RBL1: variants seen among roughly 807,000 people sequenced by gnomAD.
RBL1 encodes retinoblastoma-like protein 1.
RBL1 carries 82 observed loss-of-function variants against 123.0 expected under a neutral mutation model. The ratio of observed to expected loss-of-function variants is 0.67; its 90% CI spans 0.56 to 0.80. The LOEUF is 0.80. Among genes scored for constraint, RBL1 ranks in the 30% least tolerant of loss-of-function variants. The pLI is 0.00. For synonymous variants in RBL1, 405 were observed against 441.3 expected (o/e 0.92, Z 1.03); for missense variants, 1,171 against 1,299.6 (o/e 0.90, Z 1.52).
At chr20:37,041,727 T>C (rs2064731523) in intron 13 of RBL1, among the ~76,000 whole-genome samples, 1 of 152,078 alleles carries the variant, frequency 6.6e-6, no homozygotes, top group South Asian at 2.1e-4. Flanking sequence ...CTAGACATGA[T>C]ATCAAAAAGC....
intron 9 of RBL1, among the ~76,000 whole-genome samples, chr20:37,058,411 A>C (rs2146290012): frequency 6.6e-6 from 1 of 151,094 alleles, no homozygotes; most frequent in East Asian, 2.0e-4. Flanking sequence ...AGCTACTTGG[A>C]GGCTGAGGCA....
rs1273139829 is a variant in RBL1, at chr20:37,035,299, T to C, written c.2113A>G (p.Met705Val). The C allele has an allele frequency of 1.2e-6, 2 of 1,613,974 alleles. No individual in the cohort carries two copies. The highest frequency in any genetic ancestry group is 1.3e-5 in the African/African-American group (1 of 75,058). Residue 705 changes from methionine (M) to valine (V), a missense_variant, in exon 15 of 22, where the codon ATG becomes GTG. Physicochemically the swap from Met to Val is conservative, Grantham distance 21. Coordinates refer to ENST00000373664, the MANE Select transcript of RBL1 (RefSeq NM_002895.5). ...GTTCCTGTTACTGGGGCTGTGGCCA[T>C]TGTTAGAAGAGTTTGACCAGGTAAA... ...SILPGQTLLTMATAPVTGTTG... is the reference protein window; with the variant it reads ...SILPGQTLLTVATAPVTGTTG...
intron 21 of RBL1, among the ~76,000 whole-genome samples, chr20:37,000,322 G>A (rs957489348): frequency 6.6e-6 from 1 of 150,542 alleles, no homozygotes; most frequent in African/African-American, 2.5e-5. Context: ...GAGGGAGGTG[G>A]GGGTCAGCCC....
At chr20:37,034,988 G>A (rs2064581241) in intron 15 of RBL1, among the ~76,000 whole-genome samples, 1 of 152,126 alleles carries the variant, frequency 6.6e-6, no homozygotes, top group South Asian at 2.1e-4. Flanking sequence ...GCATTCTGGT[G>A]TGGAATACTG....
At chr20:36,999,718 T>C (rs569992702) in intron 21 of RBL1, among the ~76,000 whole-genome samples, 24 of 152,344 alleles carry the variant, frequency 1.6e-4, no homozygotes, top group Admixed American at 1.2e-3. Context: ...GGTCTCCAGC[T>C]CCTAACCGCG....
chr20:37,052,402 G>A (rs991133815), intron 11 of RBL1, among the ~76,000 whole-genome samples: 21 of 151,930 alleles, frequency 1.4e-4, no homozygotes, highest in African/African-American at 5.1e-4. Flanking sequence ...TGTGATCTCG[G>A]CTCACTGCAA....
In RBL1 at chr20:37,065,440, T is replaced by C. The variant is rs149886976; in HGVS notation, c.880A>G (p.Ser294Gly). 8.2e-6 allele frequency: 13 copies of C among 1,594,692 alleles called. No individual in the cohort carries two copies. Among genetic ancestry groups the C allele is most frequent in the Middle Eastern group, 1.7e-4 (1 of 5,996 alleles). Residue 294 changes from serine to glycine, a missense_variant, in exon 7 of 22, where the codon AGT becomes GGT. Transcript: ENST00000373664. ...LKGECLLDLS[S>G]FTDNSKAVNK... The stretch of plus-strand genomic sequence containing the variant: ...GATATTTACCTATTATCAGTAAAAC[T>C]TGAAAGGTCCAGGAGGCATTCTCCT...
intron 2 of RBL1, among the ~76,000 whole-genome samples, chr20:37,073,950 CA>C (rs1210350198): frequency 3.4e-4 from 49 of 143,920 alleles, no homozygotes; most frequent in Admixed American, 5.6e-4. Flanking sequence ...ACTAAAAATA[CA>C]AAAAAAAAAA....
chr20:37,041,189 G>A (rs2064718142), intron 13 of RBL1, among the ~76,000 whole-genome samples: 1 of 151,726 alleles, frequency 6.6e-6, no homozygotes, highest in African/African-American at 2.4e-5. Flanking sequence ...ACAAAACAAA[G>A]AATCAAAAGA....
chr20:37,070,668 A>G (rs1431982819), intron 2 of RBL1, among the ~76,000 whole-genome samples: 1 of 152,154 alleles, frequency 6.6e-6, no homozygotes, highest in Non-Finnish European at 1.5e-5. Context: ...TAAAGAAGGT[A>G]GCACATACTC....
chr20:37,080,609 C>T (rs990029212), intron 2 of RBL1, among the ~76,000 whole-genome samples: 1 of 151,796 alleles, frequency 6.6e-6, no homozygotes, highest in Non-Finnish European at 1.5e-5. Flanking sequence ...CAGACACCCA[C>T]CATTGCGCCC....
At chr20:37,078,342 T>A (rs1177698916) in intron 2 of RBL1, among the ~76,000 whole-genome samples, 1 of 152,234 alleles carries the variant, frequency 6.6e-6, no homozygotes, top group Non-Finnish European at 1.5e-5. Flanking sequence ...AGTTTTAATA[T>A]CCATTGATGA....
At chr20:37,072,329 G>T (rs2154193) in intron 2 of RBL1, among the ~76,000 whole-genome samples, 1 of 151,958 alleles carries the variant, frequency 6.6e-6, no homozygotes, top group East Asian at 1.9e-4. Context: ...TTAGCCGGGC[G>T]TGGTGGCACA....
At chr20:37,015,900 GT>G (rs1231426413) in intron 19 of RBL1, among the ~76,000 whole-genome samples, 1 of 143,142 alleles carries the variant, frequency 7.0e-6, no homozygotes, top group Non-Finnish European at 1.5e-5. Flanking sequence ...AATTTTTGTA[GT>G]TTTAGTAGAG....
intron 1 of RBL1, among the ~76,000 whole-genome samples, chr20:37,094,300 G>C (rs899565676): frequency 1.3e-5 from 2 of 152,180 alleles, no homozygotes; most frequent in African/African-American, 4.8e-5. Context: ...CAATTGAGAC[G>C]CCATTCATTC....
At chr20:37,079,373 A>C (rs1468598851) in intron 2 of RBL1, among the ~76,000 whole-genome samples, 3 of 151,510 alleles carry the variant, frequency 2.0e-5, no homozygotes, top group African/African-American at 7.3e-5. Flanking sequence ...CCATTAACTT[A>C]GTGATGTTAT....
chr20:37,058,160 C>T (rs1242805703), intron 9 of RBL1, among the ~76,000 whole-genome samples: 1 of 145,524 alleles, frequency 6.9e-6, no homozygotes, highest in Non-Finnish European at 1.5e-5. Flanking sequence ...AAAGCCTATT[C>T]CAGGGTTCAC....
intron 19 of RBL1, among the ~76,000 whole-genome samples, chr20:37,011,363 C>A (rs968372624): frequency 6.6e-6 from 1 of 151,828 alleles, no homozygotes; most frequent in African/African-American, 2.4e-5. Context: ...ATTCTCCACT[C>A]CAACAGTTTC....
chr20:37,007,537 T>A lies in RBL1; in HGVS notation c.2745A>T (p.Thr915=), dbSNP rs142752193. The change falls in exon 20 of 22, where the codon ACA becomes ACT. Residue 915 remains threonine, a synonymous_variant. Transcript: ENST00000373664. ...TCACTGGTCCACTGGAACAGTCAGGTGTTTTTGTAGCATCTTCTAAGTCTG... is the reference window on the plus strand; with the variant it reads ...TCACTGGTCCACTGGAACAGTCAGGAGTTTTTGTAGCATCTTCTAAGTCTG... The part of the protein sequence containing the change: ...IDCDLEDATK[T]PDCSSGPVKE... 385 of 1,613,622 alleles carry A rather than the reference T, an allele frequency of 2.4e-4. 3 individuals carry two copies. In the East Asian group the frequency reaches 6.5e-3, roughly 27 times the overall value.
Sources: allele counts gnomAD v4.1 joint callset (sites outside exome capture counted in the v4.1 genomes callset), GRCh38; gene constraint gnomAD v4.1.1; transcripts MANE v1.5; gene names NCBI Gene and HGNC (gene_info 2026-07-23, HGNC 2026-07-21).